Variants in RAE1 observed in about 807,000 individuals in gnomAD.
RAE1 encodes mRNA export factor RAE1.
RAE1 carries 13 observed loss-of-function variants against 52.7 expected under a neutral mutation model. The observed-to-expected ratio is 0.25, with a 90% CI of 0.16 to 0.39. The LOEUF (loss-of-function observed/expected upper bound fraction) is 0.39. RAE1 is among the 10% of genes least tolerant of loss of function. The pLI, the probability that RAE1 is intolerant of heterozygous loss-of-function variation, is 1.00. For missense variants in RAE1, 262 were observed against 459.8 expected (o/e 0.57, Z 3.93); for synonymous variants, 164 against 153.1 (o/e 1.07, Z -0.52).
intron 8 of RAE1, chr20:57,371,147 T>G (rs1172712784): frequency 1.3e-5 from 2 of 152,218 alleles, no homozygotes; most frequent in African/African-American, 2.4e-5. Flanking sequence ...TCTATGACAT[T>G]GGTCTTGGCA....
At chr20:57,360,188 G>A (rs867140080) in intron 4 of RAE1, among the ~76,000 whole-genome samples, 3 of 152,130 alleles carry the variant, frequency 2.0e-5, no homozygotes, top group South Asian at 2.1e-4. Context: ...CTGTGTGTGC[G>A]TGCTTCATGG....
chr20:57,351,696 C>G (rs1052900642), intron 1 of RAE1: 1 of 985,388 alleles, frequency 1.0e-6, no homozygotes, highest in Non-Finnish European at 1.2e-6. Flanking sequence ...TGTCCCTCCC[C>G]CTTACACGTC....
At chr20:57,369,998 T>C (rs2146168186) in intron 8 of RAE1, among the ~76,000 whole-genome samples, 2 of 152,242 alleles carry the variant, frequency 1.3e-5, no homozygotes, top group Non-Finnish European at 2.9e-5. Flanking sequence ...ATCACCTCTT[T>C]CCCATACACC....
chr20:57,367,873 CA>C (rs1328023553), intron 7 of RAE1, among the ~76,000 whole-genome samples: 1 of 151,628 alleles, frequency 6.6e-6, no homozygotes, highest in Non-Finnish European at 1.5e-5. Flanking sequence ...ATCATAGATA[CA>C]GATGGTCTTT....
rs1010541474 is a variant in RAE1 at position 57,354,274 on chromosome 20, C to A, written c.90+146C>A. ...AACTCATGTTTCTGAAACACTGGAGCACAGAAAATGTGTCCCCGTACTTGT... is the reference window on the plus strand; with the variant it reads ...AACTCATGTTTCTGAAACACTGGAGAACAGAAAATGTGTCCCCGTACTTGT... On this transcript the variant is annotated intron_variant, in intron 2 of 11. Coordinates refer to ENST00000395841, the MANE Select transcript of RAE1 (RefSeq NM_003610.4). 2.7e-5 allele frequency: 18 copies of A among 670,886 alleles called. No individual in the cohort carries two copies. In the African/African-American group the frequency reaches 3.1e-4, roughly 12 times the overall value. 41.6% of individuals were successfully genotyped at this position (670,886 alleles called of 1,614,324 possible).
At chr20:57,365,835 C>T (rs899478372) in intron 5 of RAE1, among the ~76,000 whole-genome samples, 4 of 152,186 alleles carry the variant, frequency 2.6e-5, no homozygotes, top group Admixed American at 1.3e-4. Context: ...TGTCTATGGG[C>T]CAGTAATAGA....
intron 4 of RAE1, among the ~76,000 whole-genome samples, chr20:57,361,491 A>G (rs1272669844): frequency 2.0e-5 from 3 of 152,184 alleles, no homozygotes; most frequent in Non-Finnish European, 4.4e-5. Flanking sequence ...TGGTAAAGTC[A>G]GATTAGGAGG....
At chr20:57,377,080 C>T (rs2067126908) in intron 11 of RAE1, among the ~76,000 whole-genome samples, 1 of 152,198 alleles carries the variant, frequency 6.6e-6, no homozygotes, top group Non-Finnish European at 1.5e-5. Context: ...ATGTTATTAG[C>T]TTGCTGCTTG....
In RAE1 at chr20:57,379,008, C is replaced by T. The variant is rs2146189072; in HGVS notation, c.*909C>T. On this transcript the variant is annotated 3_prime_UTR_variant, in exon 12 of 12. Transcript: ENST00000395841. ...GTATTCAAAATGAAATTCAGCTGGG[C>T]TGAGAAAAAGTGTGACTTTTGGGTC... 6.6e-6 allele frequency: 1 copy of T among 152,182 alleles called. No individual in the cohort carries two copies. Among genetic ancestry groups the T allele is most frequent in the East Asian group, 1.9e-4 (1 of 5,200 alleles). The allele number at this position is 152,182 out of a possible 1,614,324, so 9.4% of individuals were successfully genotyped here. A position where few individuals can be genotyped will look rare whatever the true frequency, so the allele number is the denominator to read the frequency against.
At chr20:57,369,369 T>TA (rs1371002131) in intron 8 of RAE1, among the ~76,000 whole-genome samples, 2 of 152,274 alleles carry the variant, frequency 1.3e-5, no homozygotes, top group Middle Eastern at 3.4e-3. Context: ...ACCCCACAGG[T>TA]AGCACCCTCG....
chr20:57,359,888 T>C (rs1374841691), intron 4 of RAE1: 7 of 152,386 alleles, frequency 4.6e-5, no homozygotes, highest in Middle Eastern at 3.4e-3. Flanking sequence ...GCCAGAAATA[T>C]CTACCAGGGT....
At chr20:57,352,734 C>T (rs2066729071) in intron 1 of RAE1, among the ~76,000 whole-genome samples, 2 of 152,204 alleles carry the variant, frequency 1.3e-5, no homozygotes, top group African/African-American at 2.4e-5. Flanking sequence ...ATTTAGTTCT[C>T]ATAACTCTGT....
At chr20:57,376,055 C>G (rs898382822) in intron 11 of RAE1, among the ~76,000 whole-genome samples, 1 of 152,230 alleles carries the variant, frequency 6.6e-6, no homozygotes, top group Non-Finnish European at 1.5e-5. Flanking sequence ...TGGTTCGGGC[C>G]CTGCCCGCTC....
intron 1 of RAE1, among the ~76,000 whole-genome samples, chr20:57,352,174 CATT>C (rs2066720332): frequency 6.8e-6 from 1 of 146,730 alleles, no homozygotes; most frequent in Non-Finnish European, 1.5e-5. Context: ...TATAAAATAA[CATT>C]AATTTCAACC....
Position 57,351,284 on chromosome 20 carries a change from C to G in RAE1, c.-146C>G, listed in dbSNP as rs539074969. 1 of 985,310 alleles carries G rather than the reference C, an allele frequency of 1.0e-6. No individual in the cohort carries two copies. Among genetic ancestry groups the G allele is most frequent in the African/African-American group, 1.7e-5 (1 of 57,238 alleles). 61.0% of individuals were successfully genotyped at this position (985,310 alleles called of 1,614,324 possible). On this transcript the variant is annotated 5_prime_UTR_variant, in exon 1 of 12. Transcript: ENST00000395841. ...CCGCGGTAGTCAGGGCAGTTTCTAC[C>G]GCAGGCTTAAGGAGGCTTCGGGCTC...
rs1409944514 is a variant in RAE1, at chr20:57,367,068, T to C, written c.523T>C (p.Cys175Arg). The C allele has an allele frequency of 6.3e-7, 1 of 1,590,772 alleles. No homozygotes were observed. Among genetic ancestry groups the C allele is most frequent in the Admixed American group, 1.7e-5 (1 of 59,230 alleles). The change falls in exon 7 of 12, where the codon TGT becomes CGT. Residue 175 changes from cysteine to arginine, a missense_variant. Transcript: ENST00000395841. ...TTTGCAACTCCCTGAAAGGTGTTAC[T>C]GTGCTGACGTGGTAAGGGATTTCAA... ...MVLQLPERCY[C>R]ADVIYPMAVV... is the part of the protein sequence containing the mutation.
chr20:57,377,151 A>G (rs1450532523), intron 11 of RAE1, among the ~76,000 whole-genome samples: 1 of 152,350 alleles, frequency 6.6e-6, no homozygotes, highest in East Asian at 1.9e-4. Flanking sequence ...ACTGTTGAGC[A>G]AAACTTCTAG....
intron 8 of RAE1, among the ~76,000 whole-genome samples, 179 bp downstream of exon 8, chr20:57,368,991 C>G (rs972587885): frequency 6.6e-6 from 1 of 152,124 alleles, no homozygotes; most frequent in Non-Finnish European, 1.5e-5. Flanking sequence ...TAAGGTATCC[C>G]TGGATGAACT....
rs755980257 is a variant in RAE1 at position 57,373,534 on chromosome 20, A to G, written c.702A>G (p.Gly234=). 2.5e-5 allele frequency: 40 copies of G among 1,614,026 alleles called. No individual in the cohort carries two copies. The highest frequency in any genetic ancestry group is 3.2e-5 in the Non-Finnish European group (38 of 1,180,020). Reference sequence around the variant, plus strand: ...ACAAGCCTACTGGTTTTGCCCTGGGAAGTATCGAGGGGAGAGTTGCTATTC... The same window carrying G: ...ACAAGCCTACTGGTTTTGCCCTGGGGAGTATCGAGGGGAGAGTTGCTATTC... ...KQNKPTGFAL[G]SIEGRVAIHY... is the part of the protein sequence containing the mutation. The change falls in exon 9 of 12, where the codon GGA becomes GGG. Residue 234 remains glycine (G), a synonymous_variant. Transcript: ENST00000395841.
Sources: gnomAD v4.1 joint callset for allele counts (sites outside exome capture counted in the v4.1 genomes callset) on GRCh38, gnomAD v4.1.1 for gene constraint, MANE v1.5 for transcripts, NCBI Gene and HGNC (gene_info 2026-07-23, HGNC 2026-07-21) for gene names.